The following CFAP44 variants were observed in gnomAD, a reference collection of about 807,000 sequenced individuals.
CFAP44 encodes cilia and flagella associated protein 44, also known as cilia- and flagella-associated protein 44.
In CFAP44, 134 loss-of-function variants were observed where a neutral mutation model predicts 216.2. The ratio of observed to expected loss-of-function variants is 0.62; its 90% CI spans 0.54 to 0.72. The LOEUF (loss-of-function observed/expected upper bound fraction) is 0.72. Ranked by LOEUF, CFAP44 falls within the 30% of genes least tolerant of loss-of-function variation. CFAP44 has a pLI of 0.00. For synonymous variants in CFAP44, 700 were observed against 727.6 expected, an observed-to-expected ratio of 0.96 and a Z score of 0.61; for missense variants, 2,035 against 2,182.1, an observed-to-expected ratio of 0.93 and a Z score of 1.34.
chr3:113,341,431 T>G (rs1950332371), intron 24 of CFAP44, among the ~76,000 whole-genome samples: 1 of 152,122 alleles, frequency 6.6e-6, no homozygotes, highest in African/African-American at 2.4e-5. Context: ...TAGAAGAACA[T>G]ACAGGAGAAT....
chr3:113,395,802 T>C lies in CFAP44; in HGVS notation c.1838A>G (p.Tyr613Cys), dbSNP rs573835573. The change falls in exon 15 of 35, where the codon TAT becomes TGT. Residue 613 changes from tyrosine (Y) to cysteine (C), a missense_variant. By Grantham distance (194) the Tyr-to-Cys change is radical (BLOSUM62 -2). Coordinates refer to ENST00000393845, the MANE Select transcript of CFAP44 (RefSeq NM_001164496.2). Reference sequence around the variant, plus strand: ...ACACACAGGTCCAGGAGTATTAATATAACCAATCGGCTTATAATCCCTTTC... The same window carrying C: ...ACACACAGGTCCAGGAGTATTAATACAACCAATCGGCTTATAATCCCTTTC... Reference protein sequence around the residue: ...EVERDYKPIGYINTPGPVCQL... With the variant: ...EVERDYKPIGCINTPGPVCQL... 6.8e-6 allele frequency: 11 copies of C among 1,613,906 alleles called. No homozygotes were observed. In the East Asian group the frequency reaches 1.3e-4, roughly 20 times the overall value.
intron 21 of CFAP44, chr3:113,360,785 GA>G (rs1950532742): frequency 6.2e-6 from 1 of 161,112 alleles, no homozygotes; most frequent in Admixed American, 6.5e-5. Context: ...GATAAGGGAT[GA>G]ACACAGTGCA....
intron 18 of CFAP44, among the ~76,000 whole-genome samples, chr3:113,368,808 A>G (rs1576574292): frequency 6.6e-6 from 1 of 152,132 alleles, no homozygotes; most frequent in East Asian, 1.9e-4. Context: ...ATTGGATAAA[A>G]AGTCATGACC....
At chr3:113,425,549 C>A (rs1934936392) in intron 4 of CFAP44, among the ~76,000 whole-genome samples, 1 of 152,188 alleles carries the variant, frequency 6.6e-6, no homozygotes, top group Non-Finnish European at 1.5e-5. Context: ...GATAGCTCAT[C>A]TGATATATAA....
chr3:113,341,698 G>A, intron 24 of CFAP44, 46 bp downstream of exon 24: 1 of 1,390,370 alleles, frequency 7.2e-7, no homozygotes. Flanking sequence ...ATTATTTTGG[G>A]GCTCACATAT....
chr3:113,401,806 A>G, intron 9 of CFAP44, 67 bp from the exon 10 acceptor site: 1 of 1,485,234 alleles, frequency 6.7e-7, no homozygotes, highest in South Asian at 1.3e-5. Flanking sequence ...TCTAAGCCAG[A>G]AAAACCCTGA....
intron 24 of CFAP44, among the ~76,000 whole-genome samples, chr3:113,334,313 G>GA (rs985286379): frequency 6.6e-6 from 1 of 152,150 alleles, no homozygotes; most frequent in African/African-American, 2.4e-5. Context: ...TCTAGTTTAA[G>GA]ATGATAGCAT....
At chr3:113,408,796 G>A (rs1455554693) in intron 7 of CFAP44, among the ~76,000 whole-genome samples, 7 of 149,772 alleles carry the variant, frequency 4.7e-5, no homozygotes, top group Non-Finnish European at 7.4e-5. Context: ...CCAGGAGGCG[G>A]AGGTTGCAGT....
At chr3:113,392,722 A>G (rs569042870) in intron 15 of CFAP44, among the ~76,000 whole-genome samples, 1 of 144,844 alleles carries the variant, frequency 6.9e-6, no homozygotes, top group African/African-American at 2.4e-5. Flanking sequence ...TAATAATAAT[A>G]AAGACCAGAA....
intron 15 of CFAP44, among the ~76,000 whole-genome samples, chr3:113,388,776 T>C (rs924033525): frequency 2.0e-5 from 3 of 152,012 alleles, no homozygotes; most frequent in African/African-American, 7.2e-5. Context: ...TTTTAAGACA[T>C]AGAAGGTCAT....
chr3:113,305,085 T>C lies in CFAP44; in HGVS notation c.4826A>G (p.Gln1609Arg). The change falls in exon 31 of 35, where the codon CAG becomes CGG. Residue 1609 changes from glutamine (Q) to arginine (R), a missense_variant. Gln to Arg is a conservative substitution (Grantham distance 43). Coordinates refer to ENST00000393845, the MANE Select transcript of CFAP44 (RefSeq NM_001164496.2). ...EALEAYQREK[Q>R]QRLNELLVVI... Reference sequence around the variant, plus strand: ...AACTAGCAGTTCATTCAGCCGCTGCTGCTTCTCTCGCTGATAAGCCTCCAG... The same window carrying C: ...AACTAGCAGTTCATTCAGCCGCTGCCGCTTCTCTCGCTGATAAGCCTCCAG... The C allele has an allele frequency of 2.0e-6, 3 of 1,537,302 alleles. No homozygotes were observed. The highest frequency in any genetic ancestry group is 2.0e-5 in the Admixed American group (1 of 51,004).
intron 22 of CFAP44, among the ~76,000 whole-genome samples, chr3:113,351,221 C>T (rs374654216): frequency 6.6e-6 from 1 of 152,144 alleles, no homozygotes; most frequent in East Asian, 1.9e-4. Flanking sequence ...TAACTGAAAT[C>T]CCAAACTTAC....
At chr3:113,371,706 C>T (rs1933172401) in intron 18 of CFAP44, among the ~76,000 whole-genome samples, 1 of 152,030 alleles carries the variant, frequency 6.6e-6, no homozygotes, top group Non-Finnish European at 1.5e-5. Flanking sequence ...AAAGCAATGG[C>T]AAAAGCAAAA....
chr3:113,289,725 C>T lies in CFAP44; in HGVS notation c.*1832G>A, dbSNP rs1415793648. 1 of 152,320 alleles carries T rather than the reference C, an allele frequency of 6.6e-6. No homozygotes were observed. Among genetic ancestry groups the T allele is most frequent in the Non-Finnish European group, 1.5e-5 (1 of 68,110 alleles). 9.4% of individuals were successfully genotyped at this position (152,320 alleles called of 1,614,324 possible). On this transcript the variant is annotated 3_prime_UTR_variant, in exon 35 of 35. Coordinates refer to ENST00000393845, the MANE Select transcript of CFAP44 (RefSeq NM_001164496.2). ...TGACAATAGTGACGCTATGTCACTT[C>T]TGAGCTTGGGCTGTAAAAGACTGTG... is the stretch of plus-strand genomic sequence containing the variant.
At chr3:113,353,674 A>T (rs1331289303) in intron 22 of CFAP44, among the ~76,000 whole-genome samples, 2 of 152,196 alleles carry the variant, frequency 1.3e-5, no homozygotes, top group African/African-American at 4.8e-5. Flanking sequence ...CAGGGATTTA[A>T]TACCTGGTAA....
At chr3:113,358,897 C>G in intron 21 of CFAP44, 22 bp from the exon 22 acceptor site, 3 of 1,533,768 alleles carry the variant, frequency 2.0e-6, no homozygotes, top group Non-Finnish European at 2.6e-6. Flanking sequence ...AAGATCTGTT[C>G]ATCAAAATGG....
chr3:113,426,001 A>G, intron 4 of CFAP44, 123 bp downstream of exon 4: 1 of 1,171,484 alleles, frequency 8.5e-7, no homozygotes, highest in Non-Finnish European at 1.2e-6. Context: ...CTGTGTTGCA[A>G]TAAAACTTGA....
chr3:113,399,890 A>G lies in CFAP44; in HGVS notation c.1569+16T>C, dbSNP rs774648794. 3 of 1,540,210 alleles carry G rather than the reference A, an allele frequency of 1.9e-6. No homozygotes were observed. The highest frequency in any genetic ancestry group is 2.8e-5 in the African/African-American group (2 of 72,218). On this transcript the variant is annotated intron_variant, in intron 13 of 34. Coordinates refer to ENST00000393845, the MANE Select transcript of CFAP44 (RefSeq NM_001164496.2). ...TACCAATAGATTCTGGTAGTTCATT[A>G]TAACAACAAACTTACCATTCGGGGT...
rs187089636 is a variant in CFAP44 at position 113,436,825 on chromosome 3, T to A, written c.-5-3156A>T. ...AATAGCACTTTCTTCTGTAAGTAGG[T>A]ACTGTTTAGTTTTCCATTGCTGCCA... On this transcript the variant is annotated intron_variant, in intron 1 of 34. Coordinates refer to ENST00000393845, the MANE Select transcript of CFAP44 (RefSeq NM_001164496.2). Among the ~76,000 whole-genome samples the A allele has an allele frequency of 6.6e-5, 10 of 152,352 alleles. No homozygotes were observed. The East Asian group carries it at 1.9e-3, about 29-fold the overall frequency.
Sources: gnomAD v4.1 joint callset for allele counts (sites outside exome capture counted in the v4.1 genomes callset) on GRCh38, gnomAD v4.1.1 for gene constraint, MANE v1.5 for transcripts, NCBI Gene and HGNC (gene_info 2026-07-23, HGNC 2026-07-21) for gene names.